Variants in PRKN observed in about 807,000 individuals in gnomAD.
PRKN encodes the protein E3 ubiquitin-protein ligase parkin.
Under a neutral mutation model 59.5 loss-of-function variants are expected in PRKN, and 56 were observed. The ratio of observed to expected loss-of-function variants is 0.94; its 90% CI spans 0.76 to 1.18. PRKN has a LOEUF of 1.18. Among genes scored for constraint, PRKN ranks in the 50% most tolerant of loss-of-function variants. PRKN has a pLI of 0.00. For synonymous variants in PRKN, 250 were observed against 222.1 expected (o/e 1.13, Z -1.12); for missense variants, 657 against 596.4 (o/e 1.10, Z -1.06).
At chr6:162,033,232 C>T (rs927759172) in intron 5 of PRKN, among the ~76,000 whole-genome samples, 84 of 152,324 alleles carry the variant, frequency 5.5e-4, no homozygotes, top group African/African-American at 2.0e-3. Flanking sequence ...GGCTTTCACC[C>T]TTCTGAAACA....
intron 1 of PRKN, among the ~76,000 whole-genome samples, chr6:162,602,009 A>C (rs990050090): frequency 2.6e-5 from 4 of 152,234 alleles, no homozygotes; most frequent in African/African-American, 9.6e-5. Context: ...AGGAACACAC[A>C]AACTATTCAC....
intron 4 of PRKN, among the ~76,000 whole-genome samples, chr6:162,087,301 A>G (rs895112741): frequency 6.6e-6 from 1 of 152,208 alleles, no homozygotes; most frequent in African/African-American, 2.4e-5. Context: ...TAAGATATCA[A>G]TATAAAGAGT....
intron 1 of PRKN, among the ~76,000 whole-genome samples, chr6:162,653,158 G>A (rs755857987): frequency 2.0e-5 from 3 of 152,226 alleles, no homozygotes; most frequent in Non-Finnish European, 4.4e-5. Flanking sequence ...ATCGATGATT[G>A]CATTGTTTTT....
chr6:161,525,558 G>A lies in PRKN; in HGVS notation c.1083+23296C>T, dbSNP rs1209471127. On this transcript the variant is annotated intron_variant, in intron 9 of 11. Coordinates refer to ENST00000366898, the MANE Select transcript of PRKN (RefSeq NM_004562.3). This position sits in a 1 kb window ranked among gnomAD's most constrained non-coding sequence, Gnocchi z 4.7. Reference sequence around the variant, plus strand: ...ATTATAAGATCAGAGAAGGAAAAATGATCAGAAAGCAAAGAGAGGAAAAGT... The same window carrying A: ...ATTATAAGATCAGAGAAGGAAAAATAATCAGAAAGCAAAGAGAGGAAAAGT... Among the ~76,000 whole-genome samples the A allele has an allele frequency of 2.0e-5, 3 of 152,166 alleles. No homozygotes were observed. The highest frequency in any genetic ancestry group is 7.2e-5 in the African/African-American group (3 of 41,438).
chr6:161,750,648 T>G (rs1430461364), intron 7 of PRKN, among the ~76,000 whole-genome samples: 3 of 151,400 alleles, frequency 2.0e-5, no homozygotes, highest in Admixed American at 1.3e-4. Context: ...ATGCCTGTAA[T>G]CCCAGCTACT....
intron 7 of PRKN, among the ~76,000 whole-genome samples, chr6:161,713,381 A>G (rs1786834778): frequency 1.3e-5 from 2 of 152,114 alleles, no homozygotes. Context: ...TGGGGCTGAA[A>G]GTTCCAGCCC....
intron 7 of PRKN, among the ~76,000 whole-genome samples, chr6:161,705,349 A>G (rs1786441605): frequency 1.3e-5 from 2 of 152,230 alleles, no homozygotes; most frequent in South Asian, 4.1e-4. Context: ...AACAAGTTTT[A>G]TAATAACGTG....
chr6:162,443,978 G>C (rs903559674), intron 1 of PRKN, among the ~76,000 whole-genome samples: 1 of 152,146 alleles, frequency 6.6e-6, no homozygotes, highest in Non-Finnish European at 1.5e-5. Flanking sequence ...CCTAGACTTG[G>C]GTGGTCCTGG....
At chr6:161,524,764 A>G (rs1778957805) in intron 9 of PRKN, among the ~76,000 whole-genome samples, 1 of 152,110 alleles carries the variant, frequency 6.6e-6, no homozygotes, top group East Asian at 1.9e-4. Context: ...TCTGCAAAGG[A>G]GTCTTGATGA....
Position 162,056,928 on chromosome 6 carries a change from G to A in PRKN, c.535-2754C>T, listed in dbSNP as rs887301586. 6.6e-6 allele frequency among the ~76,000 whole-genome samples: 1 copy of A among 152,116 alleles called. No individual in the cohort carries two copies. Among genetic ancestry groups the A allele is most frequent in the Admixed American group, 6.5e-5 (1 of 15,268 alleles). ...TGGGGGAGGACTCAGAGCCTTGCCT[G>A]CGGTTTCCTCTAAACTCCTCCCCCT... On this transcript the variant is annotated intron_variant, in intron 4 of 11. Transcript: ENST00000366898. The surrounding 1 kb of genome is among the most constrained non-coding windows in gnomAD (Gnocchi z 4.9).
rs1562684013 is a variant in PRKN, at chr6:162,339,242, GTGGGGGTCAGCCCCCCGCCCGGC to G, written c.172-76500_172-76478del. On this transcript the variant is annotated intron_variant, in intron 2 of 11. Transcript: ENST00000366898. Reference sequence around the variant, plus strand: ...AGCCACCCCGTCCGGGAGGGAGGTGGTGGGGGTCAGCCCCCCGCCCGGCCAGCCGCCCCGTCCGGGAGGGAGGT... The same window carrying G: ...AGCCACCCCGTCCGGGAGGGAGGTGGCAGCCGCCCCGTCCGGGAGGGAGGT... Among the ~76,000 whole-genome samples, 128 of 136,490 alleles carry G rather than the reference GTGGGGGTCAGCCCCCCGCCCGGC, an allele frequency of 9.4e-4. 1 individual carries two copies. The highest frequency in any genetic ancestry group is 8.5e-3 in the Middle Eastern group (2 of 236). The allele number at this position is 136,490 out of a possible 152,430, so 89.5% of individuals were successfully genotyped here. A position where few individuals can be genotyped will look rare whatever the true frequency, so the allele number is the denominator to read the frequency against.
At chr6:161,783,302 T>C (rs1389785693) in intron 7 of PRKN, among the ~76,000 whole-genome samples, 2 of 152,162 alleles carry the variant, frequency 1.3e-5, no homozygotes, top group Admixed American at 1.3e-4. Context: ...TCCTAGCTTA[T>C]TCCACTAGGC....
chr6:162,119,622 C>T (rs534572990), intron 4 of PRKN, among the ~76,000 whole-genome samples: 33 of 152,224 alleles, frequency 2.2e-4, no homozygotes, highest in African/African-American at 7.7e-4. Flanking sequence ...CCAGAAGCAG[C>T]TGTTTTTTCC....
Position 161,697,887 on chromosome 6 carries a change from C to T in PRKN, c.871+87885G>A, listed in dbSNP as rs544385507. 1.1e-4 allele frequency among the ~76,000 whole-genome samples: 17 copies of T among 152,126 alleles called. No homozygotes were observed. The South Asian group carries it at 3.3e-3, about 30-fold the overall frequency. On this transcript the variant is annotated intron_variant, in intron 7 of 11. Transcript: ENST00000366898. ...TAGGCCATTTTACATTTTTATTTTT[C>T]ATTTTTATTAGTTTTCCCTCAATTC...
chr6:161,838,891 G>T (rs1392254939), intron 6 of PRKN, among the ~76,000 whole-genome samples: 2 of 152,178 alleles, frequency 1.3e-5, no homozygotes, highest in Non-Finnish European at 2.9e-5. Flanking sequence ...AACTCACTTT[G>T]ATCTGTAACT....
intron 6 of PRKN, among the ~76,000 whole-genome samples, chr6:161,917,035 C>T (rs1349211917): frequency 1.3e-5 from 2 of 152,008 alleles, no homozygotes; most frequent in Admixed American, 1.3e-4. Context: ...ATCTCCTGAC[C>T]TCGTGATCCG....
In PRKN at chr6:161,372,825, A is replaced by T. The variant is rs11754470; in HGVS notation, c.1168-12620T>A. On this transcript the variant is annotated intron_variant, in intron 10 of 11. Coordinates refer to ENST00000366898, the MANE Select transcript of PRKN (RefSeq NM_004562.3). The surrounding 1 kb of genome is among the most constrained non-coding windows in gnomAD (Gnocchi z 4.2). ...TGGTCAACAAAGACAGAGAGACCCT[A>T]TTTTTTTTTTTTTTTTTTTTTTGAG... is the stretch of plus-strand genomic sequence containing the variant. Among the ~76,000 whole-genome samples the T allele has an allele frequency of 5.6e-3, 643 of 114,234 alleles. 1 individual carries two copies. Among genetic ancestry groups the T allele is most frequent in the Non-Finnish European group, 8.7e-3 (486 of 55,620 alleles). The allele number at this position is 114,234 out of a possible 152,430, so 74.9% of individuals were successfully genotyped here. A position where few individuals can be genotyped will look rare whatever the true frequency, so the allele number is the denominator to read the frequency against.
At chr6:161,800,171 C>T (rs1004266135) in intron 6 of PRKN, among the ~76,000 whole-genome samples, 16 of 152,092 alleles carry the variant, frequency 1.1e-4, no homozygotes, top group African/African-American at 3.9e-4. Flanking sequence ...GATGCATGGA[C>T]ATGGTGAAAG....
intron 7 of PRKN, among the ~76,000 whole-genome samples, chr6:161,589,778 CTTTT>C (rs201984579): frequency 4.8e-5 from 6 of 124,068 alleles, no homozygotes; most frequent in Non-Finnish European, 3.4e-5. Flanking sequence ...GGATTAAATT[CTTTT>C]TTTTTTTTTT....
Sources: gnomAD v4.1 joint callset for allele counts (sites outside exome capture counted in the v4.1 genomes callset) on GRCh38, gnomAD v4.1.1 for gene constraint, Gnocchi (gnomAD v3.1) non-coding constraint, MANE v1.5 for transcripts, NCBI Gene and HGNC (gene_info 2026-07-23, HGNC 2026-07-21) for gene names.